Variants in ADK observed in about 807,000 individuals in gnomAD.
ADK encodes the protein adenosine kinase, also known as N6,N6-dimethyladenosine kinase.
ADK carries 24 observed loss-of-function variants against 44.7 expected under a neutral mutation model. That is an observed-to-expected ratio of 0.54 (90% CI 0.39 to 0.76). The LOEUF (loss-of-function observed/expected upper bound fraction) is 0.76. Ranked by LOEUF, ADK falls within the 30% of genes least tolerant of loss-of-function variation. The pLI is 0.00. For synonymous variants in ADK, 128 were observed against 142.6 expected, an observed-to-expected ratio of 0.90 and a Z score of 0.73; for missense variants, 321 against 425.1, an observed-to-expected ratio of 0.76 and a Z score of 2.15.
At chr10:74,189,676 G>T (rs1842892069) in intron 1 of ADK, among the ~76,000 whole-genome samples, 2 of 152,176 alleles carry the variant, frequency 1.3e-5, no homozygotes, top group African/African-American at 4.8e-5. Flanking sequence ...AGGTTGTACA[G>T]CCATCGGCAC....
At chr10:74,671,038 T>TTAAAA (rs556808536) in intron 10 of ADK, among the ~76,000 whole-genome samples, 4 of 99,100 alleles carry the variant, frequency 4.0e-5, no homozygotes, top group Non-Finnish European at 7.6e-5. Flanking sequence ...CAGGTTAATT[T>TTAAAA]AAAAAAAAAA....
chr10:74,172,655 C>T (rs1055547058), intron 1 of ADK, among the ~76,000 whole-genome samples: 1 of 147,376 alleles, frequency 6.8e-6, no homozygotes, highest in African/African-American at 2.5e-5. Context: ...CGCCATTGCA[C>T]CCCAGCCTGG....
chr10:74,617,955 C>T (rs1399255625), intron 9 of ADK, among the ~76,000 whole-genome samples: 1 of 152,144 alleles, frequency 6.6e-6, no homozygotes, highest in Non-Finnish European at 1.5e-5. Flanking sequence ...TCACGTCTTC[C>T]TGATGCATTG....
At chr10:74,334,190 C>T (rs1841331720) in intron 4 of ADK, among the ~76,000 whole-genome samples, 2 of 152,058 alleles carry the variant, frequency 1.3e-5, no homozygotes, top group Non-Finnish European at 2.9e-5. Flanking sequence ...CTTGGCAATC[C>T]CTGCTCTGTT....
intron 6 of ADK, among the ~76,000 whole-genome samples, chr10:74,497,778 C>T (rs1454970580): frequency 2.6e-5 from 4 of 152,222 alleles, no homozygotes; most frequent in East Asian, 1.9e-4. Flanking sequence ...AGCCACTGCA[C>T]GTCAGCCTGA....
chr10:74,485,462 A>AAAAT (rs200618866), intron 6 of ADK, among the ~76,000 whole-genome samples: 16,608 of 143,880 alleles, frequency 0.12, 1,144 homozygotes, highest in African/African-American at 0.19. Context: ...ACCCTGTCTC[A>AAAAT]AAATAAATAA....
intron 6 of ADK, among the ~76,000 whole-genome samples, chr10:74,428,098 A>G (rs985045375): frequency 6.6e-6 from 1 of 152,032 alleles, no homozygotes; most frequent in Middle Eastern, 3.2e-3. Context: ...CATTCACCCT[A>G]TGTTTACCTG....
Position 74,398,278 on chromosome 10 carries a change from A to G in ADK, c.447-193A>G, listed in dbSNP as rs76526424. On this transcript the variant is annotated intron_variant, in intron 5 of 10. Transcript: ENST00000539909. Reference sequence around the variant, plus strand: ...ATACCAGGTGTTGTTTAGAACAAAAATTATCATAGATGCCTCAGAAAGTTC... The same window carrying G: ...ATACCAGGTGTTGTTTAGAACAAAAGTTATCATAGATGCCTCAGAAAGTTC... Among the ~76,000 whole-genome samples the G allele has an allele frequency of 5.2e-4, 79 of 152,186 alleles. 2 individuals carry two copies. The East Asian group carries it at 0.014, about 27-fold the overall frequency.
intron 7 of ADK, among the ~76,000 whole-genome samples, chr10:74,583,101 A>AGTTTG (rs1367193443): frequency 5.9e-5 from 9 of 152,236 alleles, no homozygotes; most frequent in Non-Finnish European, 1.2e-4. Flanking sequence ...AACATAAAGT[A>AGTTTG]AAGGTAACTC....
intron 6 of ADK, among the ~76,000 whole-genome samples, chr10:74,426,722 T>A (rs776695303): frequency 1.3e-5 from 2 of 152,176 alleles, no homozygotes; most frequent in Non-Finnish European, 2.9e-5. Context: ...AACAGTTAAA[T>A]AAAAATGATA....
chr10:74,594,677 A>G (rs1851839361), intron 8 of ADK, among the ~76,000 whole-genome samples: 1 of 152,074 alleles, frequency 6.6e-6, no homozygotes, highest in African/African-American at 2.4e-5. Flanking sequence ...TAGGTAAAAA[A>G]AAAAAAAAAG....
At chr10:74,201,425 C>A (rs1200568094) in intron 2 of ADK, among the ~76,000 whole-genome samples, 2 of 152,148 alleles carry the variant, frequency 1.3e-5, no homozygotes, top group African/African-American at 4.8e-5. Context: ...TCTGAGGTCT[C>A]AGTTACCCAT....
chr10:74,392,628 A>T (rs1055357215), intron 4 of ADK, among the ~76,000 whole-genome samples: 12 of 152,108 alleles, frequency 7.9e-5, no homozygotes, highest in African/African-American at 1.7e-4. Flanking sequence ...TGCCATGCAG[A>T]AGTTAAGCTT....
chr10:74,400,324 TCTC>T (rs1239665899), intron 6 of ADK, among the ~76,000 whole-genome samples: 2 of 152,158 alleles, frequency 1.3e-5, no homozygotes, highest in African/African-American at 2.4e-5. Flanking sequence ...TCTGTACTCT[TCTC>T]CTAGCTTGGC....
At chr10:74,574,369 C>A (rs967885115) in intron 7 of ADK, among the ~76,000 whole-genome samples, 1 of 151,920 alleles carries the variant, frequency 6.6e-6, no homozygotes, top group African/African-American at 2.4e-5. Flanking sequence ...CGGGGTTTCA[C>A]CTTGTTGGCC....
At chr10:74,569,087 C>A (rs895972968) in intron 7 of ADK, among the ~76,000 whole-genome samples, 2 of 152,140 alleles carry the variant, frequency 1.3e-5, no homozygotes, top group Admixed American at 1.3e-4. Flanking sequence ...TCATCCATGT[C>A]CCTACAAAAG....
chr10:74,353,315 C>T (rs1420534237), intron 4 of ADK, among the ~76,000 whole-genome samples: 2 of 151,968 alleles, frequency 1.3e-5, no homozygotes, highest in African/African-American at 4.8e-5. Flanking sequence ...AAACAGAAAA[C>T]CAAACACCAC....
chr10:74,361,468 TAATC>T (rs1332912405), intron 4 of ADK, among the ~76,000 whole-genome samples: 2 of 152,210 alleles, frequency 1.3e-5, no homozygotes, highest in Non-Finnish European at 2.9e-5. Flanking sequence ...TTAAAACTGA[TAATC>T]AACTTAACTT....
chr10:74,354,101 A>C (rs1842057810), intron 4 of ADK, among the ~76,000 whole-genome samples: 2 of 152,214 alleles, frequency 1.3e-5, no homozygotes, highest in Admixed American at 6.5e-5. Context: ...CAAGCAACTA[A>C]ATCACTGACT....
Sources: allele counts gnomAD v4.1 joint callset (sites outside exome capture counted in the v4.1 genomes callset), GRCh38; gene constraint gnomAD v4.1.1; transcripts MANE v1.5; gene names NCBI Gene and HGNC (gene_info 2026-07-23, HGNC 2026-07-21).